Variants in RASEF observed in about 807,000 individuals in gnomAD.
RASEF encodes the protein RAS and EF-hand domain containing.
A neutral mutation model predicts 90.1 loss-of-function variants in RASEF; 68 were observed. The ratio of observed to expected loss-of-function variants is 0.75; its 90% CI spans 0.62 to 0.92. RASEF has a LOEUF of 0.92. RASEF is among the 40% of genes least tolerant of loss of function. The probability of loss-of-function intolerance (pLI) is 0.00; values close to 1 mark genes in which losing one functional copy is unlikely to be tolerated. For synonymous variants in RASEF, 331 were observed against 345.2 expected, an observed-to-expected ratio of 0.96 and a Z score of 0.46; for missense variants, 949 against 937.2, an observed-to-expected ratio of 1.01 and a Z score of -0.16.
chr9:83,028,370 G>A (rs2118586311), intron 1 of RASEF, among the ~76,000 whole-genome samples: 1 of 152,292 alleles, frequency 6.6e-6, no homozygotes, highest in South Asian at 2.1e-4. Context: ...TTTTTGGGCA[G>A]GCCACTCCAG....
At chr9:83,033,134 A>C (rs1829675705) in intron 1 of RASEF, among the ~76,000 whole-genome samples, 1 of 152,220 alleles carries the variant, frequency 6.6e-6, no homozygotes, top group African/African-American at 2.4e-5. Context: ...GAAAGCACAC[A>C]GTAATAAATG....
intron 3 of RASEF, 26 bp from the exon 4 acceptor site, chr9:83,015,926 C>T (rs745514336): frequency 3.2e-6 from 5 of 1,558,028 alleles, no homozygotes; most frequent in Non-Finnish European, 3.5e-6. Flanking sequence ...ATATGTTGTT[C>T]ATTTAAATAA....
At chr9:83,163,457 G>A in the RASEF span, among the ~76,000 whole-genome samples, 2 of 152,216 alleles carry the variant, frequency 1.3e-5, no homozygotes, top group African/African-American at 2.4e-5. Flanking sequence ...TGATTAATAT[G>A]ATAAGGGCTC....
chr9:83,022,866 A>G (rs551389192), intron 2 of RASEF, among the ~76,000 whole-genome samples: 4 of 152,378 alleles, frequency 2.6e-5, no homozygotes, highest in African/African-American at 9.6e-5. Context: ...ATCTAAACAC[A>G]GAATAGATAC....
the RASEF span, among the ~76,000 whole-genome samples, chr9:83,111,177 T>A: frequency 1.3e-5 from 2 of 151,954 alleles, 1 homozygote; most frequent in South Asian, 4.1e-4. Flanking sequence ...AACAGTGTAA[T>A]AACATTTAAA....
At position 82,980,742 on chromosome 9, in the gene RASEF, A is replaced by C. The variant is rs1564065491; in HGVS notation, c.*1935T>G. On this transcript the variant is annotated 3_prime_UTR_variant, in exon 17 of 17. Transcript: ENST00000376447. ...CCACTAAGACAAACAGCCATGGCAA[A>C]AGTTTTCCCATGCCACATAAATAAT... The C allele has an allele frequency of 6.6e-6, 1 of 152,198 alleles. No homozygotes were observed. Among genetic ancestry groups the C allele is most frequent in the East Asian group, 1.9e-4 (1 of 5,198 alleles). The allele number at this position is 152,198 out of a possible 1,614,324, so 9.4% of individuals were successfully genotyped here.
intron 1 of RASEF, among the ~76,000 whole-genome samples, chr9:83,042,470 C>G (rs73471405): frequency 0.029 from 4,431 of 152,228 alleles, 196 homozygotes; most frequent in African/African-American, 0.1. Context: ...GCACCTACTT[C>G]TTATTTGTAT....
At chr9:82,999,391 A>C (rs1439204197) in intron 12 of RASEF, among the ~76,000 whole-genome samples, 1 of 152,012 alleles carries the variant, frequency 6.6e-6, no homozygotes, top group Admixed American at 6.5e-5. Flanking sequence ...GTAAAACCGC[A>C]CCTCTCCCTA....
intron 1 of RASEF, among the ~76,000 whole-genome samples, chr9:83,033,438 AG>A (rs1829681166): frequency 6.6e-6 from 1 of 152,176 alleles, no homozygotes; most frequent in South Asian, 2.1e-4. Context: ...CTAGGCAGAA[AG>A]GGGGTGCAAT....
At chr9:83,056,993 T>C (rs910019217) in intron 1 of RASEF, among the ~76,000 whole-genome samples, 4 of 152,140 alleles carry the variant, frequency 2.6e-5, no homozygotes, top group African/African-American at 9.7e-5. Context: ...ATTACTACCT[T>C]GAGATTAAAT....
chr9:83,098,607 T>C, the RASEF span, among the ~76,000 whole-genome samples: 1 of 152,166 alleles, frequency 6.6e-6, no homozygotes, highest in African/African-American at 2.4e-5. Context: ...GATAAAGGCA[T>C]ACCCAAGACT....
chr9:83,134,203 C>T, the RASEF span, among the ~76,000 whole-genome samples: 1 of 152,076 alleles, frequency 6.6e-6, no homozygotes, highest in Admixed American at 6.6e-5. Flanking sequence ...CTCTCAGCCA[C>T]CTGACTAGCA....
chr9:83,021,886 C>T (rs1473580776), intron 3 of RASEF, among the ~76,000 whole-genome samples: 1 of 152,122 alleles, frequency 6.6e-6, no homozygotes, highest in East Asian at 1.9e-4. Context: ...TTATAAAACA[C>T]CAAAGTTTGA....
the RASEF span, among the ~76,000 whole-genome samples, chr9:83,164,347 G>GTGTA: frequency 6.4e-4 from 83 of 129,968 alleles, 1 homozygote; most frequent in Admixed American, 1.4e-3. Context: ...GTATATGTGT[G>GTGTA]TATATATATA....
chr9:83,179,122 G>T, the RASEF span, among the ~76,000 whole-genome samples: 8 of 152,194 alleles, frequency 5.3e-5, no homozygotes, highest in East Asian at 1.5e-3. Context: ...TACATACTTA[G>T]ATTTATAACA....
rs887197859 is a variant in RASEF at position 82,998,433 on chromosome 9, T to C, written c.1737A>G (p.Gln579=). Residue 579 remains glutamine, a synonymous_variant, in exon 13 of 17, where the codon CAA becomes CAG. Coordinates refer to ENST00000376447, the MANE Select transcript of RASEF (RefSeq NM_152573.4). ...CTCCATCCACAATGAGGGTTTTCAT[T>C]TGGAAATCAACTCCTGAAAAGGAAT... is the stretch of plus-strand genomic sequence containing the variant. The part of the protein sequence containing the change: ...NISATLGVDF[Q]MKTLIVDGER... The C allele has an allele frequency of 1.2e-6, 2 of 1,608,200 alleles. No homozygotes were observed. The highest frequency in any genetic ancestry group is 1.7e-6 in the Non-Finnish European group (2 of 1,174,786).
At chr9:83,205,090 T>C in the RASEF span, among the ~76,000 whole-genome samples, 1 of 152,212 alleles carries the variant, frequency 6.6e-6, no homozygotes, top group Non-Finnish European at 1.5e-5. Context: ...ATGCCAACAC[T>C]GGTTAAAAGG....
At chr9:83,122,777 T>G in the RASEF span, among the ~76,000 whole-genome samples, 1 of 152,240 alleles carries the variant, frequency 6.6e-6, no homozygotes, top group Non-Finnish European at 1.5e-5. Context: ...TATGTATTAA[T>G]TTTATAGCCT....
At chr9:83,093,485 C>T in the RASEF span, among the ~76,000 whole-genome samples, 34 of 152,352 alleles carry the variant, frequency 2.2e-4, no homozygotes, top group African/African-American at 7.7e-4. Flanking sequence ...AGCGCAGCCC[C>T]GGTGGGCTGG....
Sources: gnomAD v4.1 joint callset for allele counts (sites outside exome capture counted in the v4.1 genomes callset) on GRCh38, gnomAD v4.1.1 for gene constraint, MANE v1.5 for transcripts, NCBI Gene and HGNC (gene_info 2026-07-23, HGNC 2026-07-21) for gene names.